FSTL4: variants seen among roughly 807,000 people sequenced by gnomAD.
FSTL4 encodes the protein follistatin like 4.
Under a neutral mutation model 78.2 loss-of-function variants are expected in FSTL4, and 28 were observed. That is an observed-to-expected ratio of 0.36 (90% CI 0.27 to 0.49). The LOEUF is 0.49. Ranked by LOEUF, FSTL4 falls within the 20% of genes least tolerant of loss-of-function variation. The pLI is 0.98. For synonymous variants in FSTL4, 422 were observed against 440.5 expected (o/e 0.96, Z 0.53); for missense variants, 922 against 1,084.9 (o/e 0.85, Z 2.11).
chr5:133,785,386 T>C, the FSTL4 span, among the ~76,000 whole-genome samples: 1 of 152,124 alleles, frequency 6.6e-6, no homozygotes, highest in African/African-American at 2.4e-5. Context: ...GAGATACCTT[T>C]AGCAAGTAAC....
chr5:133,417,638 A>T (rs1756602052), intron 3 of FSTL4, among the ~76,000 whole-genome samples: 1 of 152,140 alleles, frequency 6.6e-6, no homozygotes, highest in South Asian at 2.1e-4. Flanking sequence ...GGAAGAAAAG[A>T]CACATTATTT....
the FSTL4 span, among the ~76,000 whole-genome samples, chr5:133,817,375 G>A: frequency 3.3e-5 from 5 of 152,202 alleles, no homozygotes; most frequent in Admixed American, 3.3e-4. Context: ...AGCCATTCTA[G>A]GTCCTTCAAA....
the FSTL4 span, among the ~76,000 whole-genome samples, chr5:133,751,254 C>G: frequency 1.3e-5 from 2 of 152,230 alleles, no homozygotes; most frequent in Non-Finnish European, 2.9e-5. Flanking sequence ...CAGGCCCTTG[C>G]TTCTCACTGA....
the FSTL4 span, among the ~76,000 whole-genome samples, chr5:133,837,885 T>G: frequency 6.6e-6 from 1 of 151,508 alleles, no homozygotes; most frequent in Admixed American, 6.6e-5. Context: ...TTTATTTTTA[T>G]TTTATATATA....
intron 4 of FSTL4, among the ~76,000 whole-genome samples, chr5:133,396,212 G>A (rs1756041033): frequency 6.6e-6 from 1 of 152,160 alleles, no homozygotes; most frequent in African/African-American, 2.4e-5. Context: ...ATGTTACAAC[G>A]GCACCAGCAT....
chr5:133,379,108 T>A (rs1044883878), intron 4 of FSTL4, among the ~76,000 whole-genome samples: 4 of 152,080 alleles, frequency 2.6e-5, no homozygotes, highest in Admixed American at 2.6e-4. Context: ...AGAGTTATAC[T>A]AATATCAGAC....
chr5:133,536,458 T>C (rs955592553), intron 3 of FSTL4, among the ~76,000 whole-genome samples: 11 of 152,294 alleles, frequency 7.2e-5, no homozygotes, highest in Non-Finnish European at 1.5e-4. Flanking sequence ...ATGACATGAT[T>C]GTATTGTCAT....
chr5:133,538,549 T>A (rs1759401923), intron 3 of FSTL4, among the ~76,000 whole-genome samples: 1 of 152,170 alleles, frequency 6.6e-6, no homozygotes, highest in Non-Finnish European at 1.5e-5. Flanking sequence ...TTTCCGTATC[T>A]GCTGAGACTT....
intron 3 of FSTL4, among the ~76,000 whole-genome samples, chr5:133,407,582 C>A (rs1246396294): frequency 6.6e-6 from 1 of 152,188 alleles, no homozygotes; most frequent in African/African-American, 2.4e-5. Context: ...TGAGGTCTGA[C>A]AAATTGACTT....
the FSTL4 span, among the ~76,000 whole-genome samples, chr5:133,664,939 T>G: frequency 6.6e-6 from 1 of 152,192 alleles, no homozygotes; most frequent in Non-Finnish European, 1.5e-5. Flanking sequence ...TTTAATTTCA[T>G]GCAAATTATG....
the FSTL4 span, among the ~76,000 whole-genome samples, chr5:133,781,651 G>A: frequency 6.6e-6 from 1 of 152,188 alleles, no homozygotes; most frequent in African/African-American, 2.4e-5. Flanking sequence ...AACTGGTGAA[G>A]TGATTCCTGC....
At chr5:133,335,534 C>T (rs968345352) in intron 4 of FSTL4, among the ~76,000 whole-genome samples, 1 of 152,048 alleles carries the variant, frequency 6.6e-6, no homozygotes, top group East Asian at 1.9e-4. Flanking sequence ...CGGACAGGCC[C>T]AGCCTCCCTC....
the FSTL4 span, among the ~76,000 whole-genome samples, chr5:133,632,633 G>A: frequency 2.0e-5 from 3 of 152,012 alleles, no homozygotes; most frequent in Admixed American, 6.6e-5. Flanking sequence ...GTTGAAAAAC[G>A]TTGTGCCACT....
intron 3 of FSTL4, among the ~76,000 whole-genome samples, chr5:133,438,339 C>G (rs1293365497): frequency 6.6e-6 from 1 of 152,196 alleles, no homozygotes; most frequent in Non-Finnish European, 1.5e-5. Flanking sequence ...TTAATTTGTT[C>G]TTCCAGAATG....
chr5:133,824,297 C>T, the FSTL4 span, among the ~76,000 whole-genome samples: 1 of 152,252 alleles, frequency 6.6e-6, no homozygotes, highest in African/African-American at 2.4e-5. Flanking sequence ...CCCACAGCCC[C>T]CTCCTTGGGT....
chr5:133,649,746 T>C, the FSTL4 span, among the ~76,000 whole-genome samples: 1 of 152,176 alleles, frequency 6.6e-6, no homozygotes, highest in Non-Finnish European at 1.5e-5. Flanking sequence ...TTTGTGTATT[T>C]TGAATAAGGG....
At chr5:133,614,859 G>C (rs1045827856), upstream of FSTL4, among the ~76,000 whole-genome samples, 1 of 152,208 alleles carries the variant, frequency 6.6e-6, no homozygotes, top group African/African-American at 2.4e-5. Flanking sequence ...TTTTTGGTGA[G>C]TGGTTCAGCC....
intron 8 of FSTL4, among the ~76,000 whole-genome samples, chr5:133,231,131 C>T (rs1348917254): frequency 6.6e-6 from 1 of 151,960 alleles, no homozygotes; most frequent in Non-Finnish European, 1.5e-5. Context: ...CCCTTTTCTA[C>T]TGGATTTTTC....
At chr5:133,526,698 C>T (rs370034839) in intron 3 of FSTL4, among the ~76,000 whole-genome samples, 7 of 152,136 alleles carry the variant, frequency 4.6e-5, no homozygotes, top group African/African-American at 7.2e-5. Flanking sequence ...CAGGGAGGCT[C>T]ATGGGGAGGC....
Sources: gnomAD v4.1 joint callset for allele counts (sites outside exome capture counted in the v4.1 genomes callset) on GRCh38, gnomAD v4.1.1 for gene constraint, MANE v1.5 for transcripts, NCBI Gene and HGNC (gene_info 2026-07-23, HGNC 2026-07-21) for gene names.